Variants in TSPAN18 observed in about 807,000 individuals in gnomAD.
TSPAN18 encodes tetraspanin-18.
Under a neutral mutation model 27.3 loss-of-function variants are expected in TSPAN18, and 14 were observed. The observed-to-expected ratio is 0.51, with a 90% CI of 0.34 to 0.80. The LOEUF (loss-of-function observed/expected upper bound fraction) is 0.80, where lower values mean the gene tolerates loss of function less well. TSPAN18 is among the 30% of genes least tolerant of loss of function. The probability of loss-of-function intolerance (pLI) is 0.01; values close to 1 mark genes in which losing one functional copy is unlikely to be tolerated. For missense variants in TSPAN18, 268 were observed against 323.9 expected (o/e 0.83, Z 1.32); for synonymous variants, 143 against 136.5 (o/e 1.05, Z -0.33).
chr11:44,928,419 G>A (rs1331612994), intron 9 of TSPAN18, among the ~76,000 whole-genome samples: 1 of 152,206 alleles, frequency 6.6e-6, no homozygotes, highest in East Asian at 1.9e-4. Flanking sequence ...CAATGCCTGG[G>A]ACTGAAACCC....
In TSPAN18 at chr11:44,760,852, T is replaced by G. The variant is rs186408144; in HGVS notation, c.-239-3574T>G. Among the ~76,000 whole-genome samples the G allele has an allele frequency of 3.3e-3, 499 of 152,350 alleles. 3 individuals are homozygous for G. The highest frequency in any genetic ancestry group is 0.011 in the African/African-American group (450 of 41,582). On this transcript the variant is annotated intron_variant, in intron 1 of 9. Transcript: ENST00000520358. ...AAACCAGGATGCATTGTGCAAAAAG[T>G]GATATCATAGTTAATTTAATTAATT...
chr11:44,912,943 G>A (rs1859778692), intron 5 of TSPAN18, among the ~76,000 whole-genome samples: 2 of 151,706 alleles, frequency 1.3e-5, no homozygotes, highest in South Asian at 4.2e-4. Context: ...GGTTGGGGGG[G>A]TTCTGTGAGT....
intron 3 of TSPAN18, among the ~76,000 whole-genome samples, chr11:44,882,577 CAGAG>C (rs748710490): frequency 7.4e-6 from 1 of 135,000 alleles, no homozygotes; most frequent in African/African-American, 2.8e-5. Flanking sequence ...AGGAAATGGT[CAGAG>C]AGAGAGACAC....
At chr11:44,912,909 G>A (rs1314834599) in intron 5 of TSPAN18, among the ~76,000 whole-genome samples, 2 of 151,828 alleles carry the variant, frequency 1.3e-5, no homozygotes, top group Non-Finnish European at 2.9e-5. Flanking sequence ...TGTGTTGTGT[G>A]TGCATGTGTG....
At chr11:44,892,329 C>T (rs975936269) in intron 3 of TSPAN18, among the ~76,000 whole-genome samples, 4 of 152,310 alleles carry the variant, frequency 2.6e-5, no homozygotes, top group African/African-American at 4.8e-5. Context: ...CACTCTGACC[C>T]GCGCCATTCC....
chr11:44,859,279 T>C (rs893246364), intron 2 of TSPAN18, among the ~76,000 whole-genome samples: 8 of 152,180 alleles, frequency 5.3e-5, no homozygotes, highest in Middle Eastern at 3.2e-3. Flanking sequence ...CAACCCCAAG[T>C]CTGGTGTTCC....
chr11:44,802,031 C>T (rs986513271), intron 2 of TSPAN18, among the ~76,000 whole-genome samples: 3 of 152,024 alleles, frequency 2.0e-5, no homozygotes, highest in Non-Finnish European at 2.9e-5. Flanking sequence ...GACCTTGTCT[C>T]GAACATAAAA....
chr11:44,732,155 G>T (rs72895407), intron 1 of TSPAN18, among the ~76,000 whole-genome samples: 24,450 of 152,272 alleles, frequency 0.16, 2,338 homozygotes, highest in Middle Eastern at 0.23. Flanking sequence ...CATGCTGGCC[G>T]GGGCAGCCTC....
chr11:44,736,225 A>T (rs572987777), intron 1 of TSPAN18: 81 of 152,294 alleles, frequency 5.3e-4, no homozygotes, highest in African/African-American at 1.9e-3. Context: ...GTGTCAAAAC[A>T]CACTCTGTCC....
At chr11:44,871,869 A>T (rs990051749) in intron 3 of TSPAN18, among the ~76,000 whole-genome samples, 29 of 152,204 alleles carry the variant, frequency 1.9e-4, no homozygotes, top group African/African-American at 7.0e-4. Flanking sequence ...CTATGCCCTC[A>T]TGCAATCTTT....
chr11:44,846,366 T>C (rs111475911), intron 2 of TSPAN18, among the ~76,000 whole-genome samples: 3 of 152,318 alleles, frequency 2.0e-5, no homozygotes, highest in Non-Finnish European at 4.4e-5. Flanking sequence ...TGAACGTGGC[T>C]GTACCTTCTT....
intron 3 of TSPAN18, among the ~76,000 whole-genome samples, chr11:44,892,564 G>T (rs1341462280): frequency 3.9e-5 from 6 of 152,248 alleles, no homozygotes; most frequent in Admixed American, 6.5e-5. Flanking sequence ...GTCCGCAGAG[G>T]CCTTTGCAAA....
At chr11:44,877,986 C>T (rs1364194153) in intron 3 of TSPAN18, among the ~76,000 whole-genome samples, 1 of 151,922 alleles carries the variant, frequency 6.6e-6, no homozygotes, top group African/African-American at 2.4e-5. Flanking sequence ...TGTGTGTGCA[C>T]GTGCACACAC....
intron 1 of TSPAN18, among the ~76,000 whole-genome samples, chr11:44,759,727 A>G (rs868183108): frequency 6.6e-6 from 1 of 152,202 alleles, no homozygotes; most frequent in Non-Finnish European, 1.5e-5. Context: ...CTGTCTATCC[A>G]TCCAGCTATT....
At chr11:44,800,752 G>C (rs142883997) in intron 2 of TSPAN18, among the ~76,000 whole-genome samples, 241 of 152,306 alleles carry the variant, frequency 1.6e-3, no homozygotes, top group African/African-American at 5.4e-3. Flanking sequence ...GGCCTTCCTA[G>C]GATTGGGGAC....
At chr11:44,848,650 C>T (rs150082865) in intron 2 of TSPAN18, among the ~76,000 whole-genome samples, 140 of 152,326 alleles carry the variant, frequency 9.2e-4, no homozygotes, top group African/African-American at 3.0e-3. Context: ...AAAGAGAGAG[C>T]ACCAGACTCA....
intron 2 of TSPAN18, among the ~76,000 whole-genome samples, chr11:44,815,066 C>T (rs1018634996): frequency 1.3e-5 from 2 of 152,114 alleles, no homozygotes; most frequent in African/African-American, 2.4e-5. Flanking sequence ...GGGAGCATGG[C>T]AGTGGGAAGA....
intron 2 of TSPAN18, among the ~76,000 whole-genome samples, 199 bp from the exon 3 acceptor site, chr11:44,860,129 C>G (rs999675634): frequency 2.0e-5 from 3 of 152,266 alleles, no homozygotes; most frequent in East Asian, 3.9e-4. Flanking sequence ...ACATGCATAC[C>G]TTTGTGTCTT....
At chr11:44,803,094 C>G (rs536852285) in intron 2 of TSPAN18, among the ~76,000 whole-genome samples, 2 of 152,166 alleles carry the variant, frequency 1.3e-5, no homozygotes, top group African/African-American at 2.4e-5. Context: ...AAGTTTCTGT[C>G]CTCTAGGAAT....
Sources: gnomAD v4.1 joint callset for allele counts (sites outside exome capture counted in the v4.1 genomes callset) on GRCh38, gnomAD v4.1.1 for gene constraint, MANE v1.5 for transcripts, NCBI Gene and HGNC (gene_info 2026-07-23, HGNC 2026-07-21) for gene names.